Variants in SEM1 observed in about 807,000 individuals in gnomAD.
The protein encoded by SEM1 is SEM1 26S proteasome subunit, also known as 26S proteasome complex subunit SEM1.
Under a neutral mutation model 12.7 loss-of-function variants are expected in SEM1, and 3 were observed. The observed-to-expected ratio is 0.24, with a 90% CI of 0.11 to 0.61. The LOEUF (loss-of-function observed/expected upper bound fraction) is 0.61, where lower values mean the gene tolerates loss of function less well. Among genes scored for constraint, SEM1 ranks in the 20% least tolerant of loss-of-function variants. The pLI is 0.88. For missense variants in SEM1, 59 were observed against 81.3 expected, an observed-to-expected ratio of 0.73 and a Z score of 1.06; for synonymous variants, 30 against 27.8, an observed-to-expected ratio of 1.08 and a Z score of -0.25.
intron 1 of SEM1, chr7:96,695,328 A>C (rs1049868393): frequency 2.0e-5 from 3 of 152,974 alleles, no homozygotes; most frequent in Admixed American, 2.0e-4. Context: ...ACTGTAAGCC[A>C]CCACTAGTAT....
At chr7:96,564,567 C>T (rs1292495991) in intron 2 of SEM1, among the ~76,000 whole-genome samples, 4 of 151,906 alleles carry the variant, frequency 2.6e-5, no homozygotes, top group African/African-American at 4.8e-5. Flanking sequence ...TTGACCGTGC[C>T]GGCTAGAAAG....
intron 2 of SEM1, among the ~76,000 whole-genome samples, chr7:96,651,561 C>A (rs889744174): frequency 7.9e-5 from 12 of 152,162 alleles, no homozygotes; most frequent in African/African-American, 2.9e-4. Context: ...AGCAAGATGG[C>A]AAAAGGATTT....
chr7:96,703,475 A>T (rs1258529583), intron 1 of SEM1, among the ~76,000 whole-genome samples: 1 of 152,216 alleles, frequency 6.6e-6, no homozygotes, highest in Non-Finnish European at 1.5e-5. Context: ...ATTATATTAT[A>T]AAAAATGAGT....
At chr7:96,625,222 G>A (rs542662074) in intron 2 of SEM1, among the ~76,000 whole-genome samples, 6 of 152,208 alleles carry the variant, frequency 3.9e-5, no homozygotes, top group East Asian at 3.9e-4. Context: ...GGGTGCCAGC[G>A]CATCTACAAG....
chr7:96,528,477 C>T (rs969950647), intron 2 of SEM1, among the ~76,000 whole-genome samples: 8 of 152,126 alleles, frequency 5.3e-5, no homozygotes, highest in African/African-American at 1.4e-4. Flanking sequence ...TAGGCATTAC[C>T]CACCATGCCC....
At chr7:96,653,923 CTATT>C (rs1319947259) in intron 2 of SEM1, 4 of 152,126 alleles carry the variant, frequency 2.6e-5, no homozygotes, top group African/African-American at 9.7e-5. Context: ...TTAATAGTGT[CTATT>C]TCTTTATGCA....
chr7:96,687,522 C>T (rs1331333101), downstream of SEM1, among the ~76,000 whole-genome samples: 4 of 151,924 alleles, frequency 2.6e-5, no homozygotes, highest in East Asian at 7.7e-4. Flanking sequence ...TCTCAGTAAA[C>T]TATCGCAAGG....
intron 2 of SEM1, among the ~76,000 whole-genome samples, chr7:96,508,290 A>G (rs1442594307): frequency 6.6e-6 from 1 of 152,130 alleles, no homozygotes; most frequent in Non-Finnish European, 1.5e-5. Flanking sequence ...CTCATATGAT[A>G]CAAATTTAGT....
At chr7:96,492,162 C>T (rs1251385501) in intron 1 of SEM1, among the ~76,000 whole-genome samples, 2 of 152,144 alleles carry the variant, frequency 1.3e-5, no homozygotes, top group African/African-American at 2.4e-5. Context: ...GCAACTGTCA[C>T]CACCATCGTC....
intron 2 of SEM1, among the ~76,000 whole-genome samples, chr7:96,561,786 C>T (rs1449084657): frequency 6.6e-6 from 1 of 152,218 alleles, no homozygotes; most frequent in East Asian, 1.9e-4. Context: ...TATGTGGAGA[C>T]TTACTTTCCC....
intron 2 of SEM1, among the ~76,000 whole-genome samples, chr7:96,666,052 A>G (rs1381786024): frequency 6.6e-6 from 1 of 152,248 alleles, no homozygotes; most frequent in South Asian, 2.1e-4. Context: ...TGTCATTGTG[A>G]GGAAGGGTGA....
chr7:96,590,778 C>T (rs1267371675), intron 2 of SEM1, among the ~76,000 whole-genome samples: 3 of 152,122 alleles, frequency 2.0e-5, no homozygotes, highest in Admixed American at 6.5e-5. Flanking sequence ...CAGGTAGATT[C>T]GCCATTGAGG....
chr7:96,539,156 G>A (rs1025155636), intron 2 of SEM1, among the ~76,000 whole-genome samples: 1 of 151,766 alleles, frequency 6.6e-6, no homozygotes, highest in Non-Finnish European at 1.5e-5. Context: ...GCAACTGTAT[G>A]GATGAGCTTG....
At chr7:96,635,253 G>A (rs758104246) in intron 2 of SEM1, among the ~76,000 whole-genome samples, 2 of 152,150 alleles carry the variant, frequency 1.3e-5, no homozygotes, top group East Asian at 3.9e-4. Context: ...GGGTGGGTGT[G>A]GGGAATCAAA....
chr7:96,614,851 CACAT>C (rs954744625), intron 2 of SEM1, among the ~76,000 whole-genome samples: 1 of 151,894 alleles, frequency 6.6e-6, no homozygotes. Flanking sequence ...TGTGCACACA[CACAT>C]ACACACACAC....
chr7:96,486,935 G>A (rs186047524), intron 1 of SEM1, among the ~76,000 whole-genome samples: 1 of 152,306 alleles, frequency 6.6e-6, no homozygotes, highest in East Asian at 1.9e-4. Flanking sequence ...CTGTGCGCAT[G>A]CCTGTGCCTG....
chr7:96,514,743 G>C (rs1804036982), intron 2 of SEM1, among the ~76,000 whole-genome samples: 1 of 151,714 alleles, frequency 6.6e-6, no homozygotes, highest in Admixed American at 6.6e-5. Flanking sequence ...ACAAAACTCT[G>C]ATGAAGGAAA....
At chr7:96,665,485 G>A (rs1789146027) in intron 2 of SEM1, among the ~76,000 whole-genome samples, 1 of 152,128 alleles carries the variant, frequency 6.6e-6, no homozygotes, top group Non-Finnish European at 1.5e-5. Context: ...TTCTGAGAGA[G>A]TAAATATGAA....
At chr7:96,668,832 A>C (rs1414539753), downstream of SEM1, among the ~76,000 whole-genome samples, 1 of 152,206 alleles carries the variant, frequency 6.6e-6, no homozygotes, top group African/African-American at 2.4e-5. Flanking sequence ...AGATATAATG[A>C]ATAAGATGGT....
Sources: gnomAD v4.1 joint callset for allele counts (sites outside exome capture counted in the v4.1 genomes callset) on GRCh38, gnomAD v4.1.1 for gene constraint, MANE v1.5 for transcripts, NCBI Gene and HGNC (gene_info 2026-07-23, HGNC 2026-07-21) for gene names.